The following GCDH variants were observed in gnomAD, a reference collection of about 807,000 sequenced individuals.
GCDH encodes the protein glutaryl-CoA dehydrogenase.
In GCDH, 31 loss-of-function variants were observed where a neutral mutation model predicts 52.8. The ratio of observed to expected loss-of-function variants is 0.59; its 90% CI spans 0.44 to 0.79. The LOEUF (loss-of-function observed/expected upper bound fraction) is 0.79, where lower values mean the gene tolerates loss of function less well. GCDH is among the 30% of genes least tolerant of loss of function. The pLI is 0.00. For missense variants in GCDH, 509 were observed against 595.0 expected, an observed-to-expected ratio of 0.86 and a Z score of 1.50; for synonymous variants, 242 against 250.0, an observed-to-expected ratio of 0.97 and a Z score of 0.30.
intron 9 of GCDH, 31 bp downstream of exon 9, chr19:12,897,044 G>A: frequency 6.4e-7 from 1 of 1,555,434 alleles, no homozygotes; most frequent in Non-Finnish European, 8.8e-7. Context: ...GATTCTCTGG[G>A]GGTGTGGGGC....
rs948835384 is a variant in GCDH, at chr19:12,896,202, C to T, written c.636-3C>T. ...GACCCCTCACCGACTGTTCCATCCCCAGGATCACGAACTCGCCTATGGCCG... is the reference window on the plus strand; with the variant it reads ...GACCCCTCACCGACTGTTCCATCCCTAGGATCACGAACTCGCCTATGGCCG... On this transcript the variant is annotated splice_region_variant and splice_polypyrimidine_tract_variant and intron_variant, in intron 7 of 11. Coordinates refer to ENST00000222214, the MANE Select transcript of GCDH (RefSeq NM_000159.4). The surrounding 1 kb of genome is among the most constrained non-coding windows in gnomAD (Gnocchi z 5.5). 1.7e-5 allele frequency: 28 copies of T among 1,614,036 alleles called. No homozygotes were observed. Among genetic ancestry groups the T allele is most frequent in the Non-Finnish European group, 2.4e-5 (28 of 1,180,032 alleles).
rs769694211 is a variant in GCDH, at chr19:12,897,298, T to C, written c.957-5T>C. 7 of 1,613,438 alleles carry C rather than the reference T, an allele frequency of 4.3e-6. No individual in the cohort carries two copies. Among genetic ancestry groups the C allele is most frequent in the African/African-American group, 4.0e-5 (3 of 74,890 alleles). On this transcript the variant is annotated splice_region_variant and splice_polypyrimidine_tract_variant and intron_variant, in intron 9 of 11. Coordinates refer to ENST00000222214, the MANE Select transcript of GCDH (RefSeq NM_000159.4). ...CTCGCTCTTACCCTGCCATTGCCCA[T>C]GTAGGATGCAGTTTGGTGTCCCACT...
chr19:12,899,205 G>A (rs1599622013), intron 11 of GCDH: 1 of 780,618 alleles, frequency 1.3e-6, no homozygotes. Flanking sequence ...TCAGCACAAG[G>A]AGCTTTGGGT....
At chr19:12,891,701 G>A (rs761653702) in intron 3 of GCDH, 130 bp from the exon 4 acceptor site, 9 of 1,604,840 alleles carry the variant, frequency 5.6e-6, no homozygotes, top group Non-Finnish European at 7.6e-6. Context: ...AAAGTCACCT[G>A]ATCAGTCTCG....
intron 6 of GCDH, chr19:12,893,959 G>A: frequency 1.7e-6 from 1 of 581,282 alleles, no homozygotes; most frequent in Non-Finnish European, 3.1e-6. Flanking sequence ...CCAGCACTTT[G>A]GGAGGGTGAA....
intron 4 of GCDH, 38 bp from the exon 5 acceptor site, chr19:12,892,078 A>C (rs1319494969): frequency 3.1e-6 from 5 of 1,613,498 alleles, no homozygotes; most frequent in Non-Finnish European, 3.4e-6. Flanking sequence ...CCTGTGGCCT[A>C]GGCCTGGGCC....
rs751543103 is a variant in GCDH at position 12,899,366 on chromosome 19, T to C, written c.1244-102T>C. ...TCAGCATTCACCATCTCTGTTGGTC[T>C]GTACTTCTGAAGCAGTGGCCTGGGG... On this transcript the variant is annotated intron_variant, in intron 11 of 11. Transcript: ENST00000222214. 53 of 1,614,088 alleles carry C rather than the reference T, an allele frequency of 3.3e-5. No homozygotes were observed. The highest frequency in any genetic ancestry group is 4.2e-5 in the Non-Finnish European group (50 of 1,180,018).
At chr19:12,898,183 A>G (rs1970734176) in intron 11 of GCDH, 1 of 417,496 alleles carries the variant, frequency 2.4e-6, no homozygotes, top group African/African-American at 2.0e-5. Context: ...CCCGACTCCT[A>G]GCAGGCTGGT....
Position 12,897,823 on chromosome 19 carries a change from C to T in GCDH, c.1203C>T (p.Ile401=). The T allele has an allele frequency of 6.2e-7, 1 of 1,613,988 alleles. No individual in the cohort carries two copies. Among genetic ancestry groups the T allele is most frequent in the Non-Finnish European group, 8.5e-7 (1 of 1,179,944 alleles). ...GNGISDEYHV[I]RHAMNLEAVN... is the part of the protein sequence containing the mutation. ...GGATTTCTGACGAGTATCACGTGAT[C>T]CGGCACGCCATGAACCTGGAGGCCG... Residue 401 remains isoleucine (I), a synonymous_variant, in exon 11 of 12, where the codon ATC becomes ATT. Coordinates refer to ENST00000222214, the MANE Select transcript of GCDH (RefSeq NM_000159.4).
intron 11 of GCDH, chr19:12,898,358 A>C: frequency 6.2e-6 from 1 of 160,430 alleles, no homozygotes; most frequent in Non-Finnish European, 1.4e-5. Context: ...GGAAAAAGAT[A>C]CTTAAAAAAA....
At position 12,896,936 on chromosome 19, in the gene GCDH, C is replaced by G. The variant is rs916487682; in HGVS notation, c.879C>G (p.Ala293=). 2 of 1,613,202 alleles carry G rather than the reference C, an allele frequency of 1.2e-6. No homozygotes were observed. Among genetic ancestry groups the G allele is most frequent in the African/African-American group, 1.3e-5 (1 of 74,940 alleles). The part of the protein sequence containing the change: ...LGGPFGCLNN[A]RYGIAWGVLG... ...GTCCCTTCGGCTGCCTGAACAACGC[C>G]CGGTACGGCATCGCGTGGGGCGTGC... Residue 293 remains alanine (A), a synonymous_variant, in exon 9 of 12, where the codon GCC becomes GCG. Coordinates refer to ENST00000222214, the MANE Select transcript of GCDH (RefSeq NM_000159.4). The surrounding 1 kb of genome is among the most constrained non-coding windows in gnomAD (Gnocchi z 5.5).
rs781650833 is a variant in GCDH, at chr19:12,893,469, C to T, written c.335-14C>T. ...GTTCTCTATTGTCCTGCTTTCCCCTCCTACTACCACCAGGATATGGCTGTG... is the reference window on the plus strand; with the variant it reads ...GTTCTCTATTGTCCTGCTTTCCCCTTCTACTACCACCAGGATATGGCTGTG... On this transcript the variant is annotated splice_polypyrimidine_tract_variant and intron_variant, in intron 5 of 11. Transcript: ENST00000222214. 114 of 1,612,456 alleles carry T rather than the reference C, an allele frequency of 7.1e-5. 2 individuals are homozygous for T. Among genetic ancestry groups the T allele is most frequent in the Middle Eastern group, 4.9e-4 (3 of 6,084 alleles).
chr19:12,893,519 G>A lies in GCDH; in HGVS notation c.371G>A (p.Gly124Glu). The A allele has an allele frequency of 6.2e-7, 1 of 1,614,060 alleles. No individual in the cohort carries two copies. The highest frequency in any genetic ancestry group is 8.5e-7 in the Non-Finnish European group (1 of 1,179,970). ...GCTGGGGTTTCGTCTGTGGCCTATG[G>A]GCTCCTGGCCCGAGAGCTGGAGCGG... ...GCAGVSSVAY[G>E]LLARELERVD... The change falls in exon 6 of 12, where the codon GGG (glycine) becomes GAG (glutamate). Residue 124 changes from glycine (G) to glutamate (E), a missense_variant. Physicochemically the swap from Gly to Glu is moderately conservative, Grantham distance 98. Transcript: ENST00000222214.
In GCDH at chr19:12,899,365, C is replaced by G. The variant is rs766394111; in HGVS notation, c.1244-103C>G. On this transcript the variant is annotated intron_variant, in intron 11 of 11. Transcript: ENST00000222214. ...GTCAGCATTCACCATCTCTGTTGGT[C>G]TGTACTTCTGAAGCAGTGGCCTGGG... The G allele has an allele frequency of 1.9e-6, 3 of 1,614,092 alleles. No individual in the cohort carries two copies. The South Asian group carries it at 3.3e-5, about 18-fold the overall frequency.
intron 6 of GCDH, chr19:12,893,969 A>C: frequency 1.7e-6 from 1 of 579,632 alleles, no homozygotes. Context: ...GGGAGGGTGA[A>C]GTGAGAAGAT....
At chr19:12,897,040 C>G in intron 9 of GCDH, 27 bp downstream of exon 9, 2 of 1,567,728 alleles carry the variant, frequency 1.3e-6, no homozygotes, top group Non-Finnish European at 1.8e-6. Flanking sequence ...GTGAGATTCT[C>G]TGGGGGTGTG....
Position 12,899,662 on chromosome 19 carries a change from G to C in GCDH, c.*121G>C. 1 of 1,612,380 alleles carries C rather than the reference G, an allele frequency of 6.2e-7. No individual in the cohort carries two copies. The highest frequency in any genetic ancestry group is 8.5e-7 in the Non-Finnish European group (1 of 1,179,142). On this transcript the variant is annotated 3_prime_UTR_variant, in exon 12 of 12. Coordinates refer to ENST00000222214, the MANE Select transcript of GCDH (RefSeq NM_000159.4). Reference sequence around the variant, plus strand: ...GTGGCGGATGGAGTGGGAAGTGAGAGACACTGATTTTTAAATATCAAAATT... The same window carrying C: ...GTGGCGGATGGAGTGGGAAGTGAGACACACTGATTTTTAAATATCAAAATT...
chr19:12,899,444 C>T (rs751631637), intron 11 of GCDH, 24 bp from the exon 12 acceptor site: 8 of 1,613,982 alleles, frequency 5.0e-6, no homozygotes, highest in East Asian at 4.5e-5. Context: ...AACTCCAAAC[C>T]GACTCTGTAT....
chr19:12,898,510 GT>G (rs1256572050), intron 11 of GCDH: 2 of 154,712 alleles, frequency 1.3e-5, no homozygotes, highest in African/African-American at 4.8e-5. Context: ...CCCAGATCTT[GT>G]CTCTATCTGG....
Sources: gnomAD v4.1 joint callset for allele counts on GRCh38, gnomAD v4.1.1 for gene constraint, Gnocchi (gnomAD v3.1) non-coding constraint, MANE v1.5 for transcripts, NCBI Gene and HGNC (gene_info 2026-07-23, HGNC 2026-07-21) for gene names.